The following CPQ variants were observed in gnomAD, a reference collection of about 807,000 sequenced individuals.
CPQ encodes the protein carboxypeptidase Q.
A neutral mutation model predicts 45.7 loss-of-function variants in CPQ; 37 were observed. That is an observed-to-expected ratio of 0.81 (90% CI 0.62 to 1.07). The LOEUF (loss-of-function observed/expected upper bound fraction) is 1.07. Among genes scored for constraint, CPQ ranks in the 50% least tolerant of loss-of-function variants. The pLI is 0.00. For missense variants in CPQ, 537 were observed against 572.9 expected, an observed-to-expected ratio of 0.94 and a Z score of 0.64; for synonymous variants, 186 against 205.8, an observed-to-expected ratio of 0.90 and a Z score of 0.82.
At chr8:96,799,159 A>G (rs1421648577) in intron 2 of CPQ, among the ~76,000 whole-genome samples, 1 of 152,220 alleles carries the variant, frequency 6.6e-6, no homozygotes, top group Non-Finnish European at 1.5e-5. Context: ...CATCAATCAA[A>G]TGGTGATTAG....
intron 4 of CPQ, among the ~76,000 whole-genome samples, chr8:96,940,226 C>G (rs1813106741): frequency 6.6e-6 from 1 of 152,058 alleles, no homozygotes; most frequent in South Asian, 2.1e-4. Context: ...CCTTTCAATT[C>G]TTTCCAACTC....
chr8:96,839,619 T>A (rs1284051242), intron 3 of CPQ, among the ~76,000 whole-genome samples: 6 of 152,220 alleles, frequency 3.9e-5, no homozygotes, highest in African/African-American at 1.4e-4. Context: ...ACATATTTCT[T>A]GAGAGCTTCC....
At chr8:96,992,084 C>G (rs1035105291) in intron 5 of CPQ, among the ~76,000 whole-genome samples, 1 of 152,210 alleles carries the variant, frequency 6.6e-6, no homozygotes, top group African/African-American at 2.4e-5. Flanking sequence ...CAATCATCAA[C>G]AGCAAGGTGA....
chr8:96,916,350 A>C (rs945702038), intron 4 of CPQ, among the ~76,000 whole-genome samples: 1 of 152,160 alleles, frequency 6.6e-6, no homozygotes, highest in African/African-American at 2.4e-5. Context: ...GGGATCATAG[A>C]TATGAATTAA....
At chr8:97,079,164 T>C (rs778997189) in intron 7 of CPQ, among the ~76,000 whole-genome samples, 2 of 152,100 alleles carry the variant, frequency 1.3e-5, no homozygotes, top group African/African-American at 2.4e-5. Flanking sequence ...TAAATGCTTA[T>C]TTTCTAATTT....
At chr8:97,034,316 C>T (rs1809960176) in intron 6 of CPQ, among the ~76,000 whole-genome samples, 1 of 152,174 alleles carries the variant, frequency 6.6e-6, no homozygotes, top group African/African-American at 2.4e-5. Context: ...ATTCAGCATG[C>T]CTCTAACAGT....
intron 5 of CPQ, among the ~76,000 whole-genome samples, chr8:97,000,590 T>C (rs1202990838): frequency 6.6e-6 from 1 of 152,142 alleles, no homozygotes; most frequent in Non-Finnish European, 1.5e-5. Context: ...TTCTGTTCCA[T>C]TGATCTATGT....
rs376083881 is a variant in CPQ, at chr8:97,060,800, CTGAG to C, written c.1054-5206_1054-5203del. Among the ~76,000 whole-genome samples the C allele has an allele frequency of 6.2e-3, 946 of 152,282 alleles. 15 individuals carry two copies. The highest frequency in any genetic ancestry group is 0.022 in the African/African-American group (902 of 41,564). ...CTATAATCAGCTTTTCAAATCTATA[CTGAG>C]TGTGTCCCCACACATAGCACACTAA... On this transcript the variant is annotated intron_variant, in intron 6 of 7. Transcript: ENST00000220763.
At chr8:97,048,946 TG>T (rs1424829387) in intron 6 of CPQ, among the ~76,000 whole-genome samples, 4 of 152,178 alleles carry the variant, frequency 2.6e-5, no homozygotes, top group Non-Finnish European at 5.9e-5. Context: ...AAGATAAGAA[TG>T]GAGCAAATGA....
chr8:96,863,575 G>A (rs1003663467), intron 3 of CPQ, among the ~76,000 whole-genome samples: 1 of 151,978 alleles, frequency 6.6e-6, no homozygotes. Flanking sequence ...TTTTGCATAT[G>A]GCATGTAGGA....
intron 4 of CPQ, among the ~76,000 whole-genome samples, chr8:96,893,093 G>A (rs933954935): frequency 4.6e-5 from 7 of 152,144 alleles, no homozygotes; most frequent in South Asian, 2.1e-4. Context: ...ATGAAGAAAC[G>A]AAGGCTTAGA....
chr8:96,814,160 T>G (rs969349930), intron 2 of CPQ, among the ~76,000 whole-genome samples: 1 of 152,066 alleles, frequency 6.6e-6, no homozygotes. Context: ...ATAAATACAA[T>G]TTCAATAAAT....
intron 3 of CPQ, among the ~76,000 whole-genome samples, chr8:96,876,557 G>T (rs1264062592): frequency 1.3e-5 from 2 of 152,090 alleles, no homozygotes; most frequent in Non-Finnish European, 2.9e-5. Context: ...TATGATGTTA[G>T]CTGTGGGATA....
At chr8:96,885,589 T>C (rs1300910746) in intron 4 of CPQ, among the ~76,000 whole-genome samples, 1 of 152,200 alleles carries the variant, frequency 6.6e-6, no homozygotes, top group Non-Finnish European at 1.5e-5. Flanking sequence ...CAAAATGTGG[T>C]AAATATCAGC....
chr8:96,749,010 T>G (rs996899405), intron 1 of CPQ, among the ~76,000 whole-genome samples: 3 of 152,132 alleles, frequency 2.0e-5, no homozygotes, highest in Non-Finnish European at 4.4e-5. Context: ...CTCTATATTT[T>G]CCAGATTTCT....
At chr8:96,755,873 A>T (rs1221371671) in intron 1 of CPQ, among the ~76,000 whole-genome samples, 1 of 152,036 alleles carries the variant, frequency 6.6e-6, no homozygotes, top group East Asian at 1.9e-4. Context: ...TGGCTTGTAA[A>T]TTTTATTAAA....
intron 1 of CPQ, among the ~76,000 whole-genome samples, chr8:96,741,478 G>C (rs1254068808): frequency 6.6e-6 from 1 of 152,048 alleles, no homozygotes; most frequent in East Asian, 1.9e-4. Flanking sequence ...ATTTCCTTCA[G>C]TTCTGCTCTG....
At chr8:96,747,873 G>A (rs1383740424) in intron 1 of CPQ, among the ~76,000 whole-genome samples, 1 of 152,134 alleles carries the variant, frequency 6.6e-6, no homozygotes. Context: ...GACCAAATAT[G>A]CACACTAAAG....
chr8:97,124,597 T>C (rs1811813823), intron 7 of CPQ, among the ~76,000 whole-genome samples: 1 of 152,152 alleles, frequency 6.6e-6, no homozygotes, highest in African/African-American at 2.4e-5. Flanking sequence ...CACCATGGAA[T>C]TGGGTAAGAA....
Sources: gnomAD v4.1 joint callset for allele counts (sites outside exome capture counted in the v4.1 genomes callset) on GRCh38, gnomAD v4.1.1 for gene constraint, MANE v1.5 for transcripts, NCBI Gene and HGNC (gene_info 2026-07-23, HGNC 2026-07-21) for gene names.